CLRN1: variants seen among roughly 807,000 people sequenced by gnomAD.
CLRN1 encodes the protein clarin-1.
CLRN1 carries 15 observed loss-of-function variants against 18.7 expected under a neutral mutation model. That is an observed-to-expected ratio of 0.80 (90% CI 0.54 to 1.23). The LOEUF (loss-of-function observed/expected upper bound fraction) is 1.23. Among genes scored for constraint, CLRN1 ranks in the 50% most tolerant of loss-of-function variants. CLRN1 has a pLI of 0.00. For synonymous variants in CLRN1, 104 were observed against 102.9 expected (o/e 1.01, Z -0.07); for missense variants, 311 against 277.5 (o/e 1.12, Z -0.86).
intron 2 of CLRN1, 93 bp from the exon 3 acceptor site, chr3:150,928,294 C>T: frequency 1.4e-6 from 2 of 1,430,040 alleles, no homozygotes; most frequent in South Asian, 2.5e-5. Flanking sequence ...AATTCTCTTA[C>T]CATCATCCCC....
At chr3:150,965,891 G>A (rs1715237771) in intron 1 of CLRN1, among the ~76,000 whole-genome samples, 1 of 152,232 alleles carries the variant, frequency 6.6e-6, no homozygotes, top group African/African-American at 2.4e-5. Context: ...TAGTTACTAG[G>A]GGAAGGGAGA....
At chr3:150,945,751 G>T in intron 1 of CLRN1, 1 of 859,984 alleles carries the variant, frequency 1.2e-6, no homozygotes. Context: ...TTACAAAGAT[G>T]AAAGCATTTA....
downstream of CLRN1, chr3:150,926,511 A>T: frequency 2.2e-6 from 1 of 452,362 alleles, no homozygotes; most frequent in South Asian, 2.1e-5. Flanking sequence ...GGCTAGACTG[A>T]ATTGTAGTCT....
intron 1 of CLRN1, chr3:150,944,209 G>A: frequency 5.9e-6 from 2 of 337,354 alleles, no homozygotes; most frequent in South Asian, 2.7e-5. Context: ...AGCCAGTGCA[G>A]TGGAGCCTGG....
chr3:150,967,094 T>A (rs1287279461), intron 1 of CLRN1, among the ~76,000 whole-genome samples: 1 of 152,178 alleles, frequency 6.6e-6, no homozygotes, highest in South Asian at 2.1e-4. Flanking sequence ...ATTTCAATAG[T>A]GTCAGTTTAC....
At chr3:150,930,297 C>G (rs980838657) in intron 2 of CLRN1, among the ~76,000 whole-genome samples, 8 of 152,198 alleles carry the variant, frequency 5.3e-5, no homozygotes, top group African/African-American at 1.9e-4. Flanking sequence ...GTGCAAGTGA[C>G]AGCCCCCATT....
chr3:150,927,663 T>C lies in CLRN1; in HGVS notation c.*273A>G, dbSNP rs766486763. ...ACACACACACACACACACACACATA[T>C]ATATATATGGAGTAACAATTTGTCG... On this transcript the variant is annotated 3_prime_UTR_variant, in exon 3 of 3. Coordinates refer to ENST00000327047, the MANE Select transcript of CLRN1 (RefSeq NM_174878.3). The C allele has an allele frequency of 9.0e-5, 52 of 580,748 alleles. No homozygotes were observed. The highest frequency in any genetic ancestry group is 8.3e-4 in the African/African-American group (45 of 54,264). The allele number at this position is 580,748 out of a possible 1,614,324, so 36.0% of individuals were successfully genotyped here. A position where few individuals can be genotyped will look rare whatever the true frequency, so the allele number is the denominator to read the frequency against.
chr3:150,934,715 A>G (rs1204434007), intron 2 of CLRN1, among the ~76,000 whole-genome samples: 2 of 152,086 alleles, frequency 1.3e-5, no homozygotes, highest in African/African-American at 2.4e-5. Flanking sequence ...CCACTCAAAT[A>G]TCACTGCCGC....
intron 1 of CLRN1, among the ~76,000 whole-genome samples, chr3:150,951,597 C>T (rs965795463): frequency 3.3e-5 from 5 of 152,142 alleles, no homozygotes; most frequent in African/African-American, 4.8e-5. Flanking sequence ...CTGAGCCTCC[C>T]AAAGTGCTGA....
In CLRN1 at chr3:150,938,709, G is replaced by T. The variant is rs1416155848; in HGVS notation, c.433+2873C>A. On this transcript the variant is annotated intron_variant, in intron 2 of 2. Transcript: ENST00000327047. ...TCTGCAAGACACAGATCTGGAGCTG[G>T]CTCCTTCCCTTCCTTTCTCCCCTTC... Among the ~76,000 whole-genome samples the T allele has an allele frequency of 4.6e-5, 7 of 152,186 alleles. No homozygotes were observed. In the East Asian group the frequency reaches 1.2e-3, roughly 25 times the overall value.
intron 2 of CLRN1, among the ~76,000 whole-genome samples, chr3:150,929,071 T>C (rs1216176788): frequency 6.6e-6 from 1 of 152,232 alleles, no homozygotes; most frequent in African/African-American, 2.4e-5. Flanking sequence ...TTGGAGCCTC[T>C]GGACCAGCCC....
At chr3:150,952,070 T>C (rs1241402599) in intron 1 of CLRN1, among the ~76,000 whole-genome samples, 2 of 152,162 alleles carry the variant, frequency 1.3e-5, no homozygotes, top group South Asian at 2.1e-4. Flanking sequence ...GCTGACCTCC[T>C]GTTGTCAGGA....
intron 1 of CLRN1, among the ~76,000 whole-genome samples, chr3:150,954,431 G>A (rs1236842957): frequency 1.3e-5 from 2 of 152,112 alleles, no homozygotes; most frequent in African/African-American, 4.8e-5. Flanking sequence ...GGTCATTTTC[G>A]ATGATGTGTT....
chr3:150,950,695 T>G (rs959649067), intron 1 of CLRN1, among the ~76,000 whole-genome samples: 1 of 152,206 alleles, frequency 6.6e-6, no homozygotes, highest in Non-Finnish European at 1.5e-5. Context: ...ACTTATACAC[T>G]GTTAGTGGGA....
intron 2 of CLRN1, 95 bp downstream of exon 2, chr3:150,941,487 A>G (rs184147490): frequency 1.7e-5 from 21 of 1,245,078 alleles, no homozygotes; most frequent in South Asian, 3.8e-5. Flanking sequence ...GCATCCATGT[A>G]TATATGTTAA....
Position 150,972,506 on chromosome 3 carries a change from C to T in CLRN1, c.203G>A (p.Gly68Glu). 1 of 1,614,246 alleles carries T rather than the reference C, an allele frequency of 6.2e-7. No individual in the cohort carries two copies. Among genetic ancestry groups the T allele is most frequent in the Non-Finnish European group, 8.5e-7 (1 of 1,180,056 alleles). ...CAACCCACACTGCCTCACACCCTCTCCGTGGAAAAGCCCGTACTGCATTTC... is the reference window on the plus strand; with the variant it reads ...CAACCCACACTGCCTCACACCCTCTTCGTGGAAAAGCCCGTACTGCATTTC... ...MGEMQYGLFH[G>E]EGVRQCGLGA... The change falls in exon 1 of 3, where the codon GGA (glycine) becomes GAA (glutamate). Residue 68 changes from glycine (G) to glutamate (E), a missense_variant. By Grantham distance (98) the Gly-to-Glu change is moderately conservative (BLOSUM62 -2). Coordinates refer to ENST00000327047, the MANE Select transcript of CLRN1 (RefSeq NM_174878.3).
chr3:150,945,119 A>G (rs191958618), intron 1 of CLRN1, among the ~76,000 whole-genome samples: 142 of 152,282 alleles, frequency 9.3e-4, no homozygotes, highest in African/African-American at 3.3e-3. Flanking sequence ...CTTAAACTTT[A>G]TGTGCTAAGT....
chr3:150,933,537 G>A (rs577849424), intron 2 of CLRN1, among the ~76,000 whole-genome samples: 1 of 152,244 alleles, frequency 6.6e-6, no homozygotes, highest in East Asian at 1.9e-4. Context: ...TGAGTGAAGA[G>A]GGGAGGAAGG....
chr3:150,955,883 C>T (rs1240501028), intron 1 of CLRN1, among the ~76,000 whole-genome samples: 1 of 152,126 alleles, frequency 6.6e-6, no homozygotes, highest in Non-Finnish European at 1.5e-5. Context: ...ATTGGAATTT[C>T]ACCCATACGC....
Sources: gnomAD v4.1 joint callset for allele counts (sites outside exome capture counted in the v4.1 genomes callset) on GRCh38, gnomAD v4.1.1 for gene constraint, MANE v1.5 for transcripts, NCBI Gene and HGNC (gene_info 2026-07-23, HGNC 2026-07-21) for gene names.